SNRNP70: variants seen among roughly 807,000 people sequenced by gnomAD.
SNRNP70 encodes small nuclear ribonucleoprotein U1 subunit 70, also known as U1 small nuclear ribonucleoprotein 70 kDa.
A neutral mutation model predicts 50.5 loss-of-function variants in SNRNP70; 8 were observed. The ratio of observed to expected loss-of-function variants is 0.16; its 90% CI spans 0.09 to 0.29. SNRNP70 has a LOEUF of 0.29. SNRNP70 is among the 10% of genes least tolerant of loss of function. SNRNP70 has a pLI of 1.00. For missense variants in SNRNP70, 529 were observed against 663.5 expected (o/e 0.80, Z 2.23); for synonymous variants, 320 against 252.9 (o/e 1.27, Z -2.52).
rs1285621249 is a variant in SNRNP70, at chr19:49,101,534, CT to C, written c.475+64del. 1.7e-5 allele frequency: 20 copies of C among 1,182,908 alleles called. No individual in the cohort carries two copies. The African/African-American group carries it at 2.9e-4, about 17-fold the overall frequency. The allele number at this position is 1,182,908 out of a possible 1,614,324, so 73.3% of individuals were successfully genotyped here. On this transcript the variant is annotated intron_variant, in intron 7 of 9. Transcript: ENST00000598441. Reference sequence around the variant, plus strand: ...TCTCACTTCTCTGCTGCCCCAGCCCCTCCCAGTCTGTCCCCTCCCCCACCCT... The same window carrying C: ...TCTCACTTCTCTGCTGCCCCAGCCCCCCCAGTCTGTCCCCTCCCCCACCCT...
intron 4 of SNRNP70, among the ~76,000 whole-genome samples, chr19:49,091,579 C>T (rs1367755182): frequency 6.6e-6 from 1 of 151,996 alleles, no homozygotes; most frequent in Non-Finnish European, 1.5e-5. Flanking sequence ...CTCATGTTGG[C>T]ATATCGACAT....
Position 49,104,848 on chromosome 19 carries a change from C to T in SNRNP70, c.577+113C>T, listed in dbSNP as rs140968811. Reference sequence around the variant, plus strand: ...TCTCCTGCCGGCCCACCTCTCCCATCGCGTCCTCATCTCCGGCTTCTCTCT... The same window carrying T: ...TCTCCTGCCGGCCCACCTCTCCCATTGCGTCCTCATCTCCGGCTTCTCTCT... On this transcript the variant is annotated intron_variant, in intron 8 of 9. Coordinates refer to ENST00000598441, the MANE Select transcript of SNRNP70 (RefSeq NM_003089.6). This position sits in a 1 kb window ranked among gnomAD's most constrained non-coding sequence, Gnocchi z 5.4. The T allele has an allele frequency of 3.2e-6, 2 of 631,682 alleles. No individual in the cohort carries two copies. Among genetic ancestry groups the T allele is most frequent in the South Asian group, 2.0e-5 (1 of 49,202 alleles). 39.1% of individuals were successfully genotyped at this position (631,682 alleles called of 1,614,324 possible). A position where few individuals can be genotyped will look rare whatever the true frequency, so the allele number is the denominator to read the frequency against.
In SNRNP70 at chr19:49,101,320, G is replaced by A. The variant is rs1406805068; in HGVS notation, c.394-70G>A. 2.7e-6 allele frequency: 3 copies of A among 1,131,404 alleles called. No homozygotes were observed. In the South Asian group the frequency reaches 3.7e-5, roughly 14 times the overall value. 70.1% of individuals were successfully genotyped at this position (1,131,404 alleles called of 1,614,324 possible). A position where few individuals can be genotyped will look rare whatever the true frequency, so the allele number is the denominator to read the frequency against. On this transcript the variant is annotated intron_variant, in intron 6 of 9. Coordinates refer to ENST00000598441, the MANE Select transcript of SNRNP70 (RefSeq NM_003089.6). ...ATCCGGCCCAGGGCCTGGTGTGCAG[G>A]CTGTTGTGGGGTTGGTGGGGCGGAG...
At chr19:49,097,352 A>G (rs1423892832) in intron 4 of SNRNP70, among the ~76,000 whole-genome samples, 1 of 152,158 alleles carries the variant, frequency 6.6e-6, no homozygotes, top group East Asian at 1.9e-4. Flanking sequence ...AGTAATAAAT[A>G]AATATCAGTG....
At position 49,107,402 on chromosome 19, in the gene SNRNP70, G is replaced by A. The variant is rs752163250; in HGVS notation, c.578-223G>A. Among the ~76,000 whole-genome samples the A allele has an allele frequency of 9.9e-5, 15 of 152,216 alleles. No individual in the cohort carries two copies. Among genetic ancestry groups the A allele is most frequent in the Non-Finnish European group, 1.8e-4 (12 of 68,034 alleles). On this transcript the variant is annotated intron_variant, in intron 8 of 9. Coordinates refer to ENST00000598441, the MANE Select transcript of SNRNP70 (RefSeq NM_003089.6). This position sits in a 1 kb window ranked among gnomAD's most constrained non-coding sequence, Gnocchi z 6.0. ...GCTTTGGGGCCAGACATGGGTTCCA[G>A]TAACGGCTGTTGCCTAGCGAACGCT... is the stretch of plus-strand genomic sequence containing the variant.
intron 1 of SNRNP70, 37 bp downstream of exon 1, chr19:49,085,673 G>A (rs1390101742): frequency 4.4e-6 from 2 of 455,314 alleles, no homozygotes; most frequent in Non-Finnish European, 8.8e-6. Flanking sequence ...ACGGGGTGCG[G>A]GGCCGCTACC....
chr19:49,105,775 A>C (rs1394877753), intron 8 of SNRNP70, among the ~76,000 whole-genome samples: 2 of 151,348 alleles, frequency 1.3e-5, no homozygotes, highest in Non-Finnish European at 2.9e-5. Context: ...CCCACCTGTG[A>C]TGTGTGACAG....
At chr19:49,086,037 A>C (rs548933588) in intron 1 of SNRNP70, among the ~76,000 whole-genome samples, 1 of 151,690 alleles carries the variant, frequency 6.6e-6, no homozygotes, top group African/African-American at 2.4e-5. Flanking sequence ...GCATCTCGTA[A>C]TTTGCCCTCC....
At chr19:49,089,690 T>A (rs1232667603) in intron 2 of SNRNP70, among the ~76,000 whole-genome samples, 1 of 114,378 alleles carries the variant, frequency 8.7e-6, no homozygotes, top group Non-Finnish European at 1.7e-5. Context: ...TGAGACGGAA[T>A]CTTGCTCTGT....
chr19:49,096,052 T>G (rs1267070516), intron 4 of SNRNP70, among the ~76,000 whole-genome samples: 1 of 149,898 alleles, frequency 6.7e-6, no homozygotes, highest in South Asian at 2.1e-4. Context: ...GGATAAGGTA[T>G]GGCAAGGAAC....
chr19:49,099,907 G>A (rs2040560680), intron 6 of SNRNP70, among the ~76,000 whole-genome samples: 1 of 152,018 alleles, frequency 6.6e-6, no homozygotes, highest in Admixed American at 6.5e-5. Flanking sequence ...CGAGTGTGGT[G>A]TCTCGTGCCT....
rs926020547 is a variant in SNRNP70 at position 49,089,154 on chromosome 19, T to C, written c.148-1137T>C. Among the ~76,000 whole-genome samples, 3 of 152,266 alleles carry C rather than the reference T, an allele frequency of 2.0e-5. 1 individual carries two copies. The highest frequency in any genetic ancestry group is 6.8e-3 in the Middle Eastern group (2 of 294). On this transcript the variant is annotated intron_variant, in intron 2 of 9. Transcript: ENST00000598441. ...CCAATCTGTTTGCTTTTGATAAATA[T>C]GATAGAATTACTTTTTAAAGAAAGA...
intron 6 of SNRNP70, 53 bp downstream of exon 6, chr19:49,098,757 G>C: frequency 6.9e-7 from 1 of 1,443,462 alleles, no homozygotes; most frequent in Middle Eastern, 1.7e-4. Flanking sequence ...AGGAGGGGCT[G>C]TATCCTGAGA....
In SNRNP70 at chr19:49,088,875, T is replaced by C. The variant is rs77394968; in HGVS notation, c.148-1416T>C. ...TCAGAGGGTGTGCAGTTGTGGGCTT[T>C]GGAGCCCTGTTCTGTCAGCTTATGT... On this transcript the variant is annotated intron_variant, in intron 2 of 9. Transcript: ENST00000598441. 1.4e-3 allele frequency among the ~76,000 whole-genome samples: 212 copies of C among 152,300 alleles called. 3 individuals carry two copies. The highest frequency in any genetic ancestry group is 4.7e-3 in the African/African-American group (197 of 41,562).
At chr19:49,089,152 T>C (rs1600271299) in intron 2 of SNRNP70, among the ~76,000 whole-genome samples, 1 of 152,168 alleles carries the variant, frequency 6.6e-6, no homozygotes, top group Admixed American at 6.6e-5. Flanking sequence ...TTTTGATAAA[T>C]ATGATAGAAT....
chr19:49,107,245 C>G lies in SNRNP70; in HGVS notation c.578-380C>G, dbSNP rs2040683041. ...AGTTTGGACCTTAGGCTGGGGGACGCCAGCAAAGGCTTCTAAGCAGATCAC... is the reference window on the plus strand; with the variant it reads ...AGTTTGGACCTTAGGCTGGGGGACGGCAGCAAAGGCTTCTAAGCAGATCAC... On this transcript the variant is annotated intron_variant, in intron 8 of 9. Coordinates refer to ENST00000598441, the MANE Select transcript of SNRNP70 (RefSeq NM_003089.6). The surrounding 1 kb of genome is among the most constrained non-coding windows in gnomAD (Gnocchi z 6.0). 6.6e-6 allele frequency among the ~76,000 whole-genome samples: 1 copy of G among 152,182 alleles called. No individual in the cohort carries two copies. Among genetic ancestry groups the G allele is most frequent in the Non-Finnish European group, 1.5e-5 (1 of 68,036 alleles).
chr19:49,102,416 C>T (rs772003947), intron 7 of SNRNP70: 23 of 281,440 alleles, frequency 8.2e-5, no homozygotes, highest in Non-Finnish European at 1.2e-4. Context: ...GGAAAGGCGG[C>T]GGCCTCTCCG....
At chr19:49,088,980 C>G (rs1188602515) in intron 2 of SNRNP70, among the ~76,000 whole-genome samples, 1 of 152,150 alleles carries the variant, frequency 6.6e-6, no homozygotes, top group Non-Finnish European at 1.5e-5. Context: ...TCCTCTGGCA[C>G]TTTGTTCAAT....
Position 49,104,443 on chromosome 19 carries a change from T to A in SNRNP70, c.476-191T>A, listed in dbSNP as rs868717132. 1 of 564,626 alleles carries A rather than the reference T, an allele frequency of 1.8e-6. No homozygotes were observed. Among genetic ancestry groups the A allele is most frequent in the South Asian group, 2.1e-5 (1 of 47,496 alleles). 35.0% of individuals were successfully genotyped at this position (564,626 alleles called of 1,614,324 possible). A position where few individuals can be genotyped will look rare whatever the true frequency, so the allele number is the denominator to read the frequency against. ...TGGGGCGCTGAGAGGAAGCAGACGC[T>A]GAGATGGAGCAGGCCCTTCACCGGT... On this transcript the variant is annotated intron_variant, in intron 7 of 9. Coordinates refer to ENST00000598441, the MANE Select transcript of SNRNP70 (RefSeq NM_003089.6). This position sits in a 1 kb window ranked among gnomAD's most constrained non-coding sequence, Gnocchi z 5.4.
Sources: allele counts gnomAD v4.1 joint callset (sites outside exome capture counted in the v4.1 genomes callset), GRCh38; gene constraint gnomAD v4.1.1; non-coding constraint Gnocchi (gnomAD v3.1); transcripts MANE v1.5; gene names NCBI Gene and HGNC (gene_info 2026-07-23, HGNC 2026-07-21).